The following PDE4D variants were observed in gnomAD, a reference collection of about 807,000 sequenced individuals.
The protein encoded by PDE4D is 3',5'-cyclic-AMP phosphodiesterase 4D.
Under a neutral mutation model 87.4 loss-of-function variants are expected in PDE4D, and 24 were observed. That is an observed-to-expected ratio of 0.27 (90% CI 0.20 to 0.39). The LOEUF (loss-of-function observed/expected upper bound fraction) is 0.39. Among genes scored for constraint, PDE4D ranks in the 10% least tolerant of loss-of-function variants. The probability of loss-of-function intolerance (pLI) is 1.00; values close to 1 mark genes in which losing one functional copy is unlikely to be tolerated. For synonymous variants in PDE4D, 384 were observed against 383.2 expected, an observed-to-expected ratio of 1.00 and a Z score of -0.02; for missense variants, 714 against 1,041.0, an observed-to-expected ratio of 0.69 and a Z score of 4.32.
At chr5:60,419,964 A>C (rs1040944529) in intron 1 of PDE4D, among the ~76,000 whole-genome samples, 1 of 152,180 alleles carries the variant, frequency 6.6e-6, no homozygotes, top group Admixed American at 6.5e-5. Flanking sequence ...AGACTTTAAC[A>C]CAGAGAAGTC....
At chr5:60,239,560 G>A (rs1172429130) in intron 1 of PDE4D, among the ~76,000 whole-genome samples, 1 of 151,994 alleles carries the variant, frequency 6.6e-6, no homozygotes, top group Non-Finnish European at 1.5e-5. Context: ...GAGTCATTCT[G>A]CTTTAAGTAT....
intron 1 of PDE4D, among the ~76,000 whole-genome samples, chr5:59,555,850 T>C (rs1044152043): frequency 6.6e-6 from 1 of 152,110 alleles, no homozygotes; most frequent in African/African-American, 2.4e-5. Context: ...CAAAAGGACA[T>C]TGTTATGAAG....
chr5:59,493,211 C>CTAT (rs984337167), intron 1 of PDE4D, among the ~76,000 whole-genome samples: 11 of 152,112 alleles, frequency 7.2e-5, no homozygotes, highest in African/African-American at 2.7e-4. Flanking sequence ...AGAAAAAAGA[C>CTAT]TATTCTAAAA....
At chr5:59,573,995 C>T (rs1249776478) in intron 1 of PDE4D, among the ~76,000 whole-genome samples, 1 of 33,084 alleles carries the variant, frequency 3.0e-5, no homozygotes, top group Non-Finnish European at 5.3e-5. Flanking sequence ...GAGACTCTGT[C>T]TCAAAAAAAA....
At chr5:60,402,820 G>A (rs796950179) in intron 1 of PDE4D, among the ~76,000 whole-genome samples, 1 of 152,168 alleles carries the variant, frequency 6.6e-6, no homozygotes, top group South Asian at 2.1e-4. Flanking sequence ...TTGATCCCCT[G>A]TTCCTTCATG....
At chr5:60,448,251 A>G (rs1745809784) in intron 1 of PDE4D, among the ~76,000 whole-genome samples, 1 of 152,160 alleles carries the variant, frequency 6.6e-6, no homozygotes, top group South Asian at 2.1e-4. Context: ...ATGTGACTTT[A>G]TATTTAAAAA....
intron 1 of PDE4D, chr5:59,217,294 T>C (rs755163508): frequency 2.2e-6 from 1 of 455,644 alleles, no homozygotes; most frequent in South Asian, 1.6e-5. Context: ...TGAATTCAAG[T>C]TTTGCTGTCA....
chr5:60,235,067 T>C (rs1390482501), intron 1 of PDE4D, among the ~76,000 whole-genome samples: 1 of 151,894 alleles, frequency 6.6e-6, no homozygotes, highest in Non-Finnish European at 1.5e-5. Flanking sequence ...AGAAACTCTT[T>C]TCTAATTAAA....
intron 1 of PDE4D, among the ~76,000 whole-genome samples, chr5:59,492,019 A>T (rs532639849): frequency 6.6e-6 from 1 of 152,252 alleles, no homozygotes; most frequent in African/African-American, 2.4e-5. Flanking sequence ...AATTGCCTTT[A>T]TCCAAAGAGA....
chr5:59,443,330 T>C (rs1797908493), intron 1 of PDE4D, among the ~76,000 whole-genome samples: 1 of 152,182 alleles, frequency 6.6e-6, no homozygotes, highest in African/African-American at 2.4e-5. Context: ...TTCTTATGAA[T>C]AGACACAAAG....
intron 1 of PDE4D, among the ~76,000 whole-genome samples, chr5:59,551,565 G>T (rs1259867358): frequency 1.3e-5 from 2 of 151,510 alleles, no homozygotes; most frequent in Admixed American, 6.6e-5. Context: ...CTTCATTTGA[G>T]CCACCGTCCT....
chr5:60,429,420 G>T (rs1454346291), intron 1 of PDE4D, among the ~76,000 whole-genome samples: 1 of 152,150 alleles, frequency 6.6e-6, no homozygotes, highest in African/African-American at 2.4e-5. Context: ...GACAGAGGTA[G>T]TTTGATTTTC....
chr5:59,626,318 T>C (rs1210812958), intron 1 of PDE4D, among the ~76,000 whole-genome samples: 1 of 152,208 alleles, frequency 6.6e-6, no homozygotes, highest in Non-Finnish European at 1.5e-5. Flanking sequence ...TTTCATAAAG[T>C]TTATGTGTAT....
chr5:59,653,053 C>CA (rs904791336), intron 1 of PDE4D, among the ~76,000 whole-genome samples: 1 of 151,334 alleles, frequency 6.6e-6, no homozygotes, highest in Non-Finnish European at 1.5e-5. Flanking sequence ...CATTTCCATC[C>CA]AAAAAAAGAC....
chr5:60,297,899 A>C (rs4130444), intron 1 of PDE4D, among the ~76,000 whole-genome samples: 5,458 of 152,294 alleles, frequency 0.036, 133 homozygotes, highest in East Asian at 0.11. Context: ...GCCCACTCCA[A>C]TTGTAGAAGA....
intron 1 of PDE4D, among the ~76,000 whole-genome samples, chr5:60,431,857 G>T (rs40361): frequency 6.6e-6 from 1 of 152,186 alleles, no homozygotes; most frequent in Non-Finnish European, 1.5e-5. Context: ...GATCACTCGC[G>T]GTTAGGAGCT....
At chr5:59,926,873 A>G (rs1275677126) in intron 3 of PDE4D, among the ~76,000 whole-genome samples, 1 of 152,186 alleles carries the variant, frequency 6.6e-6, no homozygotes, top group Non-Finnish European at 1.5e-5. Context: ...GATCAAAGTA[A>G]TAATAAACAG....
intron 1 of PDE4D, among the ~76,000 whole-genome samples, chr5:59,890,984 A>G (rs1224801663): frequency 6.6e-6 from 1 of 152,242 alleles, no homozygotes. Flanking sequence ...AAGCAACTCT[A>G]TTAAGGAAAA....
intron 1 of PDE4D, among the ~76,000 whole-genome samples, chr5:60,407,807 T>G (rs1021261183): frequency 3.3e-5 from 5 of 152,052 alleles, no homozygotes; most frequent in Admixed American, 2.0e-4. Context: ...CAACCTAATA[T>G]TAGTTTAAAA....
Sources: gnomAD v4.1 joint callset for allele counts (sites outside exome capture counted in the v4.1 genomes callset) on GRCh38, gnomAD v4.1.1 for gene constraint, MANE v1.5 for transcripts, NCBI Gene and HGNC (gene_info 2026-07-23, HGNC 2026-07-21) for gene names.